The following FBXW8 variants were observed in gnomAD, a reference collection of about 807,000 sequenced individuals.
FBXW8 encodes the protein F-box and WD repeat domain containing 8, also known as F-box/WD repeat-containing protein 8.
A neutral mutation model predicts 65.3 loss-of-function variants in FBXW8; 57 were observed. The ratio of observed to expected loss-of-function variants is 0.87; its 90% CI spans 0.71 to 1.09. The LOEUF (loss-of-function observed/expected upper bound fraction) is 1.09. FBXW8 is among the 50% of genes least tolerant of loss of function. The pLI is 0.00. For missense variants in FBXW8, 777 were observed against 814.8 expected, an observed-to-expected ratio of 0.95 and a Z score of 0.57; for synonymous variants, 308 against 330.2, an observed-to-expected ratio of 0.93 and a Z score of 0.73.
At chr12:116,981,451 C>A (rs575658048) in intron 5 of FBXW8, among the ~76,000 whole-genome samples, 1 of 152,210 alleles carries the variant, frequency 6.6e-6, no homozygotes, top group South Asian at 2.1e-4. Context: ...ATTTAAATAT[C>A]TTTAAAAGAT....
intron 7 of FBXW8, among the ~76,000 whole-genome samples, chr12:117,002,041 T>C (rs1953536086): frequency 6.6e-6 from 1 of 152,264 alleles, no homozygotes; most frequent in African/African-American, 2.4e-5. Context: ...CCGAGTGTAC[T>C]CTTGCTCTGT....
chr12:117,011,484 G>A (rs1408333651), intron 8 of FBXW8, among the ~76,000 whole-genome samples: 2 of 152,166 alleles, frequency 1.3e-5, no homozygotes, highest in Admixed American at 6.5e-5. Context: ...CTGATGTTCC[G>A]GTGCTTGAGA....
In FBXW8 at chr12:116,946,773, G is replaced by A. The variant is rs530163962; in HGVS notation, c.588+1245G>A. 5.3e-5 allele frequency among the ~76,000 whole-genome samples: 8 copies of A among 152,136 alleles called. No individual in the cohort carries two copies. In the East Asian group the frequency reaches 1.4e-3, roughly 26 times the overall value. The stretch of plus-strand genomic sequence containing the variant: ...CCCTCTTGCCCGTGTGCCTGGGTAG[G>A]TCCATGTGATGCACACAGGCAGAAA... On this transcript the variant is annotated intron_variant, in intron 3 of 10. Coordinates refer to ENST00000652555, the MANE Select transcript of FBXW8 (RefSeq NM_153348.3).
intron 1 of FBXW8, among the ~76,000 whole-genome samples, chr12:116,921,514 G>A (rs2137296023): frequency 6.6e-6 from 1 of 152,242 alleles, no homozygotes; most frequent in South Asian, 2.1e-4. Context: ...GTAGTCTCCT[G>A]TATTTCATTT....
intron 7 of FBXW8, among the ~76,000 whole-genome samples, chr12:117,000,503 C>T (rs1437255106): frequency 6.6e-6 from 1 of 152,228 alleles, no homozygotes; most frequent in East Asian, 1.9e-4. Flanking sequence ...GCACTGGCCC[C>T]ACCCCCGGAG....
Position 116,982,290 on chromosome 12 carries a change from C to T in FBXW8, c.836-2916C>T, listed in dbSNP as rs115929256. ...CACTTTAAACATATAAAGACACAAG[C>T]GAAAAGATGGGAGAAGTTCTGCATG... On this transcript the variant is annotated intron_variant, in intron 5 of 10. Transcript: ENST00000652555. Among the ~76,000 whole-genome samples, 625 of 152,190 alleles carry T rather than the reference C, an allele frequency of 4.1e-3. 5 individuals carry two copies. Among genetic ancestry groups the T allele is most frequent in the African/African-American group, 0.015 (608 of 41,528 alleles).
chr12:117,027,573 C>CG, intron 10 of FBXW8, 69 bp downstream of exon 10: 1 of 1,183,572 alleles, frequency 8.4e-7, no homozygotes. Flanking sequence ...CCACCCCCCC[C>CG]GCCGTGACAC....
intron 1 of FBXW8, among the ~76,000 whole-genome samples, chr12:116,916,050 A>G (rs1371137747): frequency 6.6e-6 from 1 of 152,180 alleles, no homozygotes; most frequent in African/African-American, 2.4e-5. Context: ...GTTCTCGTGT[A>G]TGGCATTATC....
chr12:116,985,408 C>T lies in FBXW8; in HGVS notation c.1032+6C>T. 1.2e-6 allele frequency: 2 copies of T among 1,610,406 alleles called. No homozygotes were observed. Among genetic ancestry groups the T allele is most frequent in the Non-Finnish European group, 1.7e-6 (2 of 1,178,694 alleles). ...AATTTGAAGTTCCGAAACTGGTGAG[C>T]TTTTTAGTCTGGTCATCTTATTTTC... is the stretch of plus-strand genomic sequence containing the variant. On this transcript the variant is annotated splice_donor_region_variant and intron_variant, in intron 6 of 10. Transcript: ENST00000652555.
At chr12:116,971,357 C>CAAA (rs762730882) in intron 5 of FBXW8, among the ~76,000 whole-genome samples, 4 of 118,202 alleles carry the variant, frequency 3.4e-5, no homozygotes, top group African/African-American at 1.3e-4. Context: ...AAGACCCAGT[C>CAAA]AAAAAAAAAA....
intron 7 of FBXW8, among the ~76,000 whole-genome samples, chr12:117,009,775 T>G (rs1373653785): frequency 6.6e-6 from 1 of 151,890 alleles, no homozygotes; most frequent in Non-Finnish European, 1.5e-5. Context: ...AAGCAGAGAG[T>G]GAAGAGAAAA....
intron 6 of FBXW8, chr12:116,987,021 C>CTAT (rs2135672473): frequency 6.6e-6 from 1 of 152,386 alleles, no homozygotes; most frequent in Non-Finnish European, 1.5e-5. Context: ...ACAAAATGCT[C>CTAT]TGAGTATCCT....
intron 2 of FBXW8, among the ~76,000 whole-genome samples, chr12:116,935,817 CCT>C (rs1205678940): frequency 2.0e-5 from 3 of 152,108 alleles, no homozygotes; most frequent in African/African-American, 4.8e-5. Context: ...TAAGAAGGAG[CCT>C]ACGGAGGGCA....
chr12:117,026,135 G>A (rs962922066), intron 9 of FBXW8, among the ~76,000 whole-genome samples: 25 of 152,314 alleles, frequency 1.6e-4, no homozygotes, highest in African/African-American at 6.0e-4. Context: ...CCCGCTGTCC[G>A]CTTCAGTCTC....
intron 7 of FBXW8, among the ~76,000 whole-genome samples, chr12:116,997,754 G>C (rs1953409499): frequency 6.6e-6 from 1 of 152,204 alleles, no homozygotes; most frequent in Non-Finnish European, 1.5e-5. Context: ...AACCATACCT[G>C]TAGGTATAGC....
At chr12:116,917,720 T>C (rs1351001155) in intron 1 of FBXW8, among the ~76,000 whole-genome samples, 1 of 151,956 alleles carries the variant, frequency 6.6e-6, no homozygotes, top group Non-Finnish European at 1.5e-5. Flanking sequence ...TCACTGGGCA[T>C]GGTGGCTTAT....
chr12:116,999,115 A>G (rs1281756538), intron 7 of FBXW8, among the ~76,000 whole-genome samples: 1 of 152,138 alleles, frequency 6.6e-6, no homozygotes, highest in South Asian at 2.1e-4. Context: ...CATTCCCTCG[A>G]TGTGTTATTA....
chr12:117,011,461 C>G (rs1322313372), intron 8 of FBXW8, among the ~76,000 whole-genome samples: 3 of 152,282 alleles, frequency 2.0e-5, no homozygotes, highest in Admixed American at 6.5e-5. Flanking sequence ...AAAAATAAGG[C>G]CTCCTAAAAT....
intron 8 of FBXW8, among the ~76,000 whole-genome samples, chr12:117,018,380 G>A (rs1051557819): frequency 3.9e-5 from 6 of 152,208 alleles, no homozygotes; most frequent in Admixed American, 6.5e-5. Flanking sequence ...CCCTGGAATC[G>A]GTTGTCTTGG....
Sources: gnomAD v4.1 joint callset for allele counts (sites outside exome capture counted in the v4.1 genomes callset) on GRCh38, gnomAD v4.1.1 for gene constraint, MANE v1.5 for transcripts, NCBI Gene and HGNC (gene_info 2026-07-23, HGNC 2026-07-21) for gene names.